CLDN18: variants seen among roughly 807,000 people sequenced by gnomAD.
CLDN18 encodes claudin-18.
Under a neutral mutation model 25.0 loss-of-function variants are expected in CLDN18, and 20 were observed. That is an observed-to-expected ratio of 0.80 (90% CI 0.56 to 1.16). The LOEUF is 1.16. Among genes scored for constraint, CLDN18 ranks in the 50% most tolerant of loss-of-function variants. The pLI is 0.00. For missense variants in CLDN18, 297 were observed against 345.4 expected, an observed-to-expected ratio of 0.86 and a Z score of 1.11; for synonymous variants, 125 against 135.6, an observed-to-expected ratio of 0.92 and a Z score of 0.54.
chr3:138,000,140 A>G (rs1462365271), intron 1 of CLDN18, among the ~76,000 whole-genome samples: 1 of 152,216 alleles, frequency 6.6e-6, no homozygotes, highest in African/African-American at 2.4e-5. Context: ...TATACATTCA[A>G]CACTTATTTA....
At chr3:138,007,611 A>G (rs182603556), upstream of CLDN18, among the ~76,000 whole-genome samples, 523 of 152,288 alleles carry the variant, frequency 3.4e-3, 2 homozygotes, top group African/African-American at 0.011. Flanking sequence ...ACCATGGCAC[A>G]TGTATACCTA....
chr3:138,024,850 C>A (rs1942306922), intron 3 of CLDN18, 126 bp downstream of exon 3: 2 of 592,944 alleles, frequency 3.4e-6, no homozygotes, highest in African/African-American at 1.9e-5. Flanking sequence ...GACAACCATG[C>A]CATATCATAA....
At chr3:138,002,021 T>C (rs1942024708) in intron 1 of CLDN18, among the ~76,000 whole-genome samples, 1 of 152,166 alleles carries the variant, frequency 6.6e-6, no homozygotes, top group Admixed American at 6.5e-5. Flanking sequence ...GGATTTTTTT[T>C]TTATTTCACC....
intron 1 of CLDN18, among the ~76,000 whole-genome samples, chr3:138,000,296 C>G (rs1942002345): frequency 6.6e-6 from 1 of 152,096 alleles, no homozygotes; most frequent in African/African-American, 2.4e-5. Flanking sequence ...CTGCAAGACT[C>G]CATCAAGGTA....
intron 2 of CLDN18, 32 bp downstream of exon 2, chr3:138,023,854 C>T (rs780462927): frequency 3.8e-5 from 61 of 1,585,984 alleles, no homozygotes; most frequent in Admixed American, 2.4e-4. Flanking sequence ...CCCACTTCTG[C>T]GAATGTCAAA....
chr3:138,007,957 C>G (rs1167813317), upstream of CLDN18, among the ~76,000 whole-genome samples: 1 of 152,168 alleles, frequency 6.6e-6, no homozygotes, highest in African/African-American at 2.4e-5. Context: ...GTTGCTTACC[C>G]TCTTATTTTA....
chr3:138,001,844 A>G (rs923059731), intron 1 of CLDN18, among the ~76,000 whole-genome samples: 2 of 152,206 alleles, frequency 1.3e-5, no homozygotes, highest in African/African-American at 4.8e-5. Flanking sequence ...ATAGACTTCA[A>G]TTCCTTATGC....
At chr3:138,022,063 T>G (rs1380705453) in intron 1 of CLDN18, among the ~76,000 whole-genome samples, 1 of 152,146 alleles carries the variant, frequency 6.6e-6, no homozygotes, top group Non-Finnish European at 1.5e-5. Context: ...TCAAACACTG[T>G]CAGGGCTCTC....
chr3:138,013,797 T>C (rs557763112), intron 1 of CLDN18, among the ~76,000 whole-genome samples: 5 of 152,378 alleles, frequency 3.3e-5, no homozygotes, highest in South Asian at 2.1e-4. Context: ...CATTAATTTA[T>C]ATTTAAACAA....
chr3:138,008,240 T>C (rs1439645262), upstream of CLDN18, among the ~76,000 whole-genome samples: 7 of 123,562 alleles, frequency 5.7e-5, no homozygotes, highest in Non-Finnish European at 8.6e-5. Flanking sequence ...TGGGGGTGTG[T>C]GGGGGTGTGT....
At chr3:138,020,674 G>A (rs896329635) in intron 1 of CLDN18, among the ~76,000 whole-genome samples, 4 of 152,214 alleles carry the variant, frequency 2.6e-5, no homozygotes, top group African/African-American at 9.7e-5. Context: ...GACTGCTGGA[G>A]GAGATGGGAA....
chr3:138,024,669 T>C lies in CLDN18; in HGVS notation c.448T>C (p.Ser150Pro), dbSNP rs1328161970. Residue 150 changes from serine to proline, a missense_variant, in exon 3 of 5, where the codon TCC (serine) becomes CCC (proline). Coordinates refer to ENST00000183605, the MANE Select transcript of CLDN18 (RefSeq NM_016369.4). Reference sequence around the variant, plus strand: ...CATGCTGGTGACTAACTTCTGGATGTCCACAGCTAACATGTACACCGGCAT... The same window carrying C: ...CATGCTGGTGACTAACTTCTGGATGCCCACAGCTAACATGTACACCGGCAT... ...ANMLVTNFWM[S>P]TANMYTGMGG... 6.2e-7 allele frequency: 1 copy of C among 1,613,836 alleles called. No homozygotes were observed. The highest frequency in any genetic ancestry group is 8.5e-7 in the Non-Finnish European group (1 of 1,179,830).
chr3:138,008,875 C>T (rs1433854738), upstream of CLDN18, among the ~76,000 whole-genome samples: 5 of 151,836 alleles, frequency 3.3e-5, no homozygotes, highest in East Asian at 3.9e-4. Flanking sequence ...GCAGTGACCC[C>T]GATGACAACA....
At position 138,031,237 on chromosome 3, in the gene CLDN18, C is replaced by A; in HGVS notation, c.*96C>A. 1 of 1,172,316 alleles carries A rather than the reference C, an allele frequency of 8.5e-7. No individual in the cohort carries two copies. Among genetic ancestry groups the A allele is most frequent in the Non-Finnish European group, 1.2e-6 (1 of 843,656 alleles). The allele number at this position is 1,172,316 out of a possible 1,614,324, so 72.6% of individuals were successfully genotyped here. A position where few individuals can be genotyped will look rare whatever the true frequency, so the allele number is the denominator to read the frequency against. On this transcript the variant is annotated 3_prime_UTR_variant, in exon 5 of 5. Coordinates refer to ENST00000183605, the MANE Select transcript of CLDN18 (RefSeq NM_016369.4). ...TCTAGATTTCTTCTTGCTTTTGACT[C>A]ACAGCTGGAAGTTAGAAAAGCCTCG...
Position 138,031,594 on chromosome 3 carries a change from C to T in CLDN18, c.*453C>T, listed in dbSNP as rs943937865. 6.6e-6 allele frequency: 1 copy of T among 152,476 alleles called. No homozygotes were observed. Among genetic ancestry groups the T allele is most frequent in the African/African-American group, 2.4e-5 (1 of 41,434 alleles). The allele number at this position is 152,476 out of a possible 1,614,324, so 9.4% of individuals were successfully genotyped here. ...CTGCTGTTTGAATTTTGTCTCCCCA[C>T]CCCCAACTTGGCTAGTAATAAACAC... On this transcript the variant is annotated 3_prime_UTR_variant, in exon 5 of 5. Coordinates refer to ENST00000183605, the MANE Select transcript of CLDN18 (RefSeq NM_016369.4).
rs769032958 is a variant in CLDN18, at chr3:138,023,766, A to G, written c.329A>G (p.Glu110Gly). ...ALKCIRIGSM[E>G]DSAKANMTLT... ...AAATGCATCCGCATTGGCAGCATGG[A>G]GGACTCTGCCAAAGCCAACATGACA... is the stretch of plus-strand genomic sequence containing the variant. The change falls in exon 2 of 5, where the codon GAG becomes GGG. Residue 110 changes from glutamate (E) to glycine (G), a missense_variant. By Grantham distance (98) the Glu-to-Gly change is moderately conservative. Transcript: ENST00000183605. The G allele has an allele frequency of 6.2e-7, 1 of 1,614,090 alleles. No individual in the cohort carries two copies. The highest frequency in any genetic ancestry group is 1.1e-5 in the South Asian group (1 of 91,052).
chr3:138,029,719 A>C, intron 3 of CLDN18, 78 bp from the exon 4 acceptor site: 1 of 835,600 alleles, frequency 1.2e-6, no homozygotes. Flanking sequence ...GACAGAAAGA[A>C]CAGGCACAGC....
intron 1 of CLDN18, among the ~76,000 whole-genome samples, chr3:138,014,850 G>A (rs1163026811): frequency 6.6e-6 from 1 of 152,056 alleles, no homozygotes; most frequent in African/African-American, 2.4e-5. Context: ...GGCAGGAGCT[G>A]GGAGTGGTGA....
At chr3:138,004,851 T>A (rs1027625155) in intron 1 of CLDN18, 1 of 151,792 alleles carries the variant, frequency 6.6e-6, no homozygotes, top group Non-Finnish European at 1.5e-5. Context: ...TGGAAATTAT[T>A]CTCTAAGCAT....
Sources: allele counts gnomAD v4.1 joint callset (sites outside exome capture counted in the v4.1 genomes callset), GRCh38; gene constraint gnomAD v4.1.1; transcripts MANE v1.5; gene names NCBI Gene and HGNC (gene_info 2026-07-23, HGNC 2026-07-21).